COMMD3: variants seen among roughly 807,000 people sequenced by gnomAD.
The protein encoded by COMMD3 is COMM domain containing 3.
Under a neutral mutation model 31.2 loss-of-function variants are expected in COMMD3, and 31 were observed. The ratio of observed to expected loss-of-function variants is 0.99; its 90% CI spans 0.75 to 1.34. COMMD3 has a LOEUF of 1.34. COMMD3 is among the 40% of genes most tolerant of loss of function. The pLI is 0.00. For synonymous variants in COMMD3, 108 were observed against 87.3 expected (o/e 1.24, Z -1.32); for missense variants, 274 against 236.9 (o/e 1.16, Z -1.03).
At chr10:22,316,997 AC>A (rs1835863207) in intron 1 of COMMD3, 1 of 153,572 alleles carries the variant, frequency 6.5e-6, no homozygotes. Context: ...ACTAGGTCAG[AC>A]AGTGTTGACA....
chr10:22,316,697 G>A, intron 1 of COMMD3, 141 bp downstream of exon 1: 1 of 1,333,692 alleles, frequency 7.5e-7, no homozygotes, highest in Non-Finnish European at 9.7e-7. Context: ...ACGGAGTGTT[G>A]GGGACGTGGC....
chr10:22,318,073 CAG>C, intron 2 of COMMD3, 30 bp from the exon 3 acceptor site: 1 of 1,604,874 alleles, frequency 6.2e-7, no homozygotes, highest in Non-Finnish European at 8.5e-7. Flanking sequence ...AAAATGGAGA[CAG>C]AACTTTGGCT....
intron 7 of COMMD3, 167 bp downstream of exon 7, chr10:22,319,185 T>C (rs1160499212): frequency 1.5e-5 from 10 of 680,680 alleles, no homozygotes; most frequent in Non-Finnish European, 2.1e-5. Context: ...TATTTTAAGA[T>C]AGGCTTCACT....
chr10:22,316,749 C>G, intron 1 of COMMD3, 193 bp downstream of exon 1: 1 of 963,058 alleles, frequency 1.0e-6, no homozygotes, highest in Non-Finnish European at 1.4e-6. Flanking sequence ...TGTTTTGGCC[C>G]CACTTGGCAC....
chr10:22,316,590 G>A (rs1030223946), intron 1 of COMMD3, 34 bp downstream of exon 1: 21 of 1,462,672 alleles, frequency 1.4e-5, no homozygotes, highest in South Asian at 2.6e-5. Context: ...AGCTGGATCC[G>A]CCGGGGTGGA....
At chr10:22,318,201 CTATT>C (rs772688805) in intron 3 of COMMD3, 33 bp downstream of exon 3, 7 of 1,597,226 alleles carry the variant, frequency 4.4e-6, no homozygotes. Flanking sequence ...ATTAACAGTA[CTATT>C]TTTCTTTTAC....
At chr10:22,319,183 GA>G in intron 7 of COMMD3, 165 bp downstream of exon 7, 1 of 697,664 alleles carries the variant, frequency 1.4e-6, no homozygotes, top group Non-Finnish European at 2.2e-6. Flanking sequence ...AGTATTTTAA[GA>G]TAGGCTTCAC....
intron 1 of COMMD3, among the ~76,000 whole-genome samples, chr10:22,317,234 G>T (rs1467935274): frequency 2.0e-5 from 3 of 152,094 alleles, no homozygotes; most frequent in Non-Finnish European, 4.4e-5. Flanking sequence ...GCTTTTAGAT[G>T]ATTTTCTTAA....
Position 22,316,398 on chromosome 10 carries a change from A to C in COMMD3, c.-20A>C. On this transcript the variant is annotated 5_prime_UTR_variant, in exon 1 of 8. Transcript: ENST00000376836. ...CGCGTGTCACGTGGTGTGCGTGTCG[A>C]AGGTCACGGCGCGCTCACAATGGAG... 6.9e-7 allele frequency: 1 copy of C among 1,456,164 alleles called. No homozygotes were observed. The highest frequency in any genetic ancestry group is 9.2e-7 in the Non-Finnish European group (1 of 1,091,526). The allele number at this position is 1,456,164 out of a possible 1,614,324, so 90.2% of individuals were successfully genotyped here.
In COMMD3 at chr10:22,316,466, C is replaced by T. The variant is rs533527351; in HGVS notation, c.49C>T (p.Pro17Ser). The change falls in exon 1 of 8, where the codon CCC becomes TCC. Residue 17 changes from proline to serine, a missense_variant. Coordinates refer to ENST00000376836, the MANE Select transcript of COMMD3 (RefSeq NM_012071.4). ...VQKGFQMLAD[P>S]RSFDSNAFTL... ...GAAAGGCTTCCAGATGCTGGCGGAT[C>T]CCCGCTCCTTCGACTCCAACGCCTT... 4.5e-6 allele frequency: 7 copies of T among 1,550,630 alleles called. No individual in the cohort carries two copies. The highest frequency in any genetic ancestry group is 3.6e-5 in the South Asian group (3 of 84,054).
In COMMD3 at chr10:22,318,786, T is replaced by A; in HGVS notation, c.412-20T>A. 2 of 1,613,950 alleles carry A rather than the reference T, an allele frequency of 1.2e-6. No homozygotes were observed. Among genetic ancestry groups the A allele is most frequent in the Middle Eastern group, 1.7e-4 (1 of 6,058 alleles). On this transcript the variant is annotated intron_variant, in intron 5 of 7. Transcript: ENST00000376836. ...AAACCTAGAGTTAAAAGCTGTTGCG[T>A]GTTTGTTGTGTTATTTTAGACCAAT... is the stretch of plus-strand genomic sequence containing the variant.
In COMMD3 at chr10:22,320,089, C is replaced by A. The variant is rs765534023; in HGVS notation, c.*91C>A. 3.7e-6 allele frequency: 6 copies of A among 1,609,450 alleles called. No individual in the cohort carries two copies. In the Admixed American group the frequency reaches 1.0e-4, roughly 27 times the overall value. On this transcript the variant is annotated 3_prime_UTR_variant, in exon 8 of 8. Transcript: ENST00000376836. Reference sequence around the variant, plus strand: ...CCACCGTTTGTGCGAGCTGGATGTCCTTTTCAGTAGAAAAGAATTTTCCTT... The same window carrying A: ...CCACCGTTTGTGCGAGCTGGATGTCATTTTCAGTAGAAAAGAATTTTCCTT...
At chr10:22,316,721 G>T in intron 1 of COMMD3, 165 bp downstream of exon 1, 2 of 1,250,216 alleles carry the variant, frequency 1.6e-6, no homozygotes, top group Non-Finnish European at 2.1e-6. Context: ...GCCAGGACTC[G>T]GAGCAGACTC....
In COMMD3 at chr10:22,320,264, A is replaced by G. The variant is rs899648250; in HGVS notation, c.*266A>G. On this transcript the variant is annotated 3_prime_UTR_variant, in exon 8 of 8. Coordinates refer to ENST00000376836, the MANE Select transcript of COMMD3 (RefSeq NM_012071.4). ...TTTCAAGTCTTCTGAAAGGAAGTAGACAGTATTACACCCTGAATAAATAAG... is the reference window on the plus strand; with the variant it reads ...TTTCAAGTCTTCTGAAAGGAAGTAGGCAGTATTACACCCTGAATAAATAAG... 1 of 755,820 alleles carries G rather than the reference A, an allele frequency of 1.3e-6. No individual in the cohort carries two copies. The highest frequency in any genetic ancestry group is 3.2e-5 in the Admixed American group (1 of 31,212). The allele number at this position is 755,820 out of a possible 1,614,324, so 46.8% of individuals were successfully genotyped here.
In COMMD3 at chr10:22,316,434, C is replaced by T. The variant is rs1175148436; in HGVS notation, c.17C>T (p.Ser6Phe). Reference protein sequence around the residue: MELSESVQKGFQMLAD... With the variant: MELSEFVQKGFQMLAD... ...GCGCTCACAATGGAGCTCTCGGAGT[C>T]TGTGCAGAAAGGCTTCCAGATGCTG... is the stretch of plus-strand genomic sequence containing the variant. The change falls in exon 1 of 8, where the codon TCT becomes TTT. Residue 6 changes from serine to phenylalanine, a missense_variant. Transcript: ENST00000376836. 4.5e-6 allele frequency: 7 copies of T among 1,547,250 alleles called. No homozygotes were observed. The highest frequency in any genetic ancestry group is 5.2e-6 in the Non-Finnish European group (6 of 1,144,708).
Position 22,320,024 on chromosome 10 carries a change from A to G in COMMD3, c.*26A>G. ...CTTGGGGAAGTTAACGATCCGCCCG[A>G]GTGCAGAGGAAAACCAGAAACGCCT... On this transcript the variant is annotated 3_prime_UTR_variant, in exon 8 of 8. Coordinates refer to ENST00000376836, the MANE Select transcript of COMMD3 (RefSeq NM_012071.4). 6.2e-7 allele frequency: 1 copy of G among 1,614,138 alleles called. No individual in the cohort carries two copies. Among genetic ancestry groups the G allele is most frequent in the South Asian group, 1.1e-5 (1 of 91,086 alleles).
rs922033977 is a variant in COMMD3 at position 22,320,035 on chromosome 10, A to G, written c.*37A>G. 3 of 1,614,064 alleles carry G rather than the reference A, an allele frequency of 1.9e-6. No homozygotes were observed. The highest frequency in any genetic ancestry group is 2.5e-6 in the Non-Finnish European group (3 of 1,179,962). The stretch of plus-strand genomic sequence containing the variant: ...TAACGATCCGCCCGAGTGCAGAGGA[A>G]AACCAGAAACGCCTTGCCTTCAGCT... On this transcript the variant is annotated 3_prime_UTR_variant, in exon 8 of 8. Coordinates refer to ENST00000376836, the MANE Select transcript of COMMD3 (RefSeq NM_012071.4).
intron 7 of COMMD3, chr10:22,319,367 GAATTA>G (rs1280728435): frequency 1.0e-5 from 2 of 199,302 alleles, no homozygotes; most frequent in Non-Finnish European, 1.0e-5. Context: ...TTCAGAAATT[GAATTA>G]AACTGTCAAA....
intron 7 of COMMD3, 145 bp from the exon 8 acceptor site, chr10:22,319,794 T>C: frequency 1.0e-6 from 1 of 955,444 alleles, no homozygotes; most frequent in Non-Finnish European, 1.5e-6. Context: ...TGCCCGATAG[T>C]AGTTTGTCAA....
Sources: allele counts gnomAD v4.1 joint callset (sites outside exome capture counted in the v4.1 genomes callset), GRCh38; gene constraint gnomAD v4.1.1; transcripts MANE v1.5; gene names NCBI Gene and HGNC (gene_info 2026-07-23, HGNC 2026-07-21).